Variants in ZNF438 observed in about 807,000 individuals in gnomAD.
ZNF438 encodes zinc finger protein 438.
A neutral mutation model predicts 38.0 loss-of-function variants in ZNF438; 25 were observed. The ratio of observed to expected loss-of-function variants is 0.66; its 90% CI spans 0.48 to 0.92. The LOEUF (loss-of-function observed/expected upper bound fraction) is 0.92. Among genes scored for constraint, ZNF438 ranks in the 40% least tolerant of loss-of-function variants. The probability of loss-of-function intolerance (pLI) is 0.00; values close to 1 mark genes in which losing one functional copy is unlikely to be tolerated. For synonymous variants in ZNF438, 372 were observed against 364.1 expected (o/e 1.02, Z -0.25); for missense variants, 1,007 against 999.6 (o/e 1.01, Z -0.10).
intron 5 of ZNF438, 87 bp from the exon 7 acceptor site, chr10:30,845,660 T>C: frequency 1.4e-6 from 2 of 1,476,272 alleles, no homozygotes; most frequent in South Asian, 2.7e-5. Context: ...TTCAGGGATC[T>C]AAAACATAAC....
At chr10:30,857,644 C>G in intron 4 of ZNF438, 1 of 1,451,150 alleles carries the variant, frequency 6.9e-7, no homozygotes, top group Non-Finnish European at 9.4e-7. Flanking sequence ...CATTTGAAAG[C>G]AAAAGCATAT....
At chr10:30,871,709 A>AT (rs999474307) in intron 4 of ZNF438, among the ~76,000 whole-genome samples, 19 of 152,182 alleles carry the variant, frequency 1.2e-4, no homozygotes, top group African/African-American at 4.3e-4. Flanking sequence ...TATCATAACC[A>AT]TTTTTTATTG....
chr10:30,925,583 C>T (rs1003871171), intron 2 of ZNF438, among the ~76,000 whole-genome samples: 1 of 152,240 alleles, frequency 6.6e-6, no homozygotes, highest in East Asian at 1.9e-4. Context: ...GGAGCTGTCA[C>T]TGGGAAGTGG....
chr10:30,927,044 A>G (rs2045024958), intron 2 of ZNF438, among the ~76,000 whole-genome samples: 2 of 152,250 alleles, frequency 1.3e-5, no homozygotes, highest in African/African-American at 4.8e-5. Context: ...TAGAGTGACC[A>G]TAATACACGT....
At chr10:30,882,966 T>C (rs1012243619) in intron 3 of ZNF438, among the ~76,000 whole-genome samples, 1 of 152,214 alleles carries the variant, frequency 6.6e-6, no homozygotes, top group East Asian at 1.9e-4. Context: ...CAGATGTTGT[T>C]TGCAGTATTA....
intron 1 of ZNF438, among the ~76,000 whole-genome samples, chr10:30,992,212 G>T (rs1320194033): frequency 2.0e-5 from 3 of 152,162 alleles, no homozygotes; most frequent in Non-Finnish European, 4.4e-5. Flanking sequence ...AACAGAAACA[G>T]ACTGAGACAT....
At chr10:30,914,471 G>C (rs932452139) in intron 2 of ZNF438, among the ~76,000 whole-genome samples, 1 of 151,770 alleles carries the variant, frequency 6.6e-6, no homozygotes, top group African/African-American at 2.4e-5. Flanking sequence ...ATGAGTTCGA[G>C]AAAAACTAGG....
At chr10:30,901,573 T>C (rs1009025604) in intron 3 of ZNF438, among the ~76,000 whole-genome samples, 1 of 151,960 alleles carries the variant, frequency 6.6e-6, no homozygotes, top group Non-Finnish European at 1.5e-5. Context: ...TAAGGAAAAA[T>C]AGGACAGAAT....
At chr10:30,846,529 G>T (rs2032149662) in intron 5 of ZNF438, among the ~76,000 whole-genome samples, 1 of 152,236 alleles carries the variant, frequency 6.6e-6, no homozygotes, top group Non-Finnish European at 1.5e-5. Context: ...GGGGCCCTGA[G>T]GCAGAGCTGG....
At chr10:30,990,554 A>C (rs2132506352) in intron 1 of ZNF438, among the ~76,000 whole-genome samples, 1 of 152,328 alleles carries the variant, frequency 6.6e-6, no homozygotes, top group South Asian at 2.1e-4. Context: ...CAAGCCCACC[A>C]GGTGATTCAG....
intron 4 of ZNF438, chr10:30,857,661 A>AT (rs1288646424): frequency 6.7e-7 from 1 of 1,494,232 alleles, no homozygotes; most frequent in African/African-American, 1.4e-5. Context: ...ATATTTTTAT[A>AT]TTTGAATTTG....
chr10:30,983,867 T>G (rs1672557047), intron 1 of ZNF438, among the ~76,000 whole-genome samples: 1 of 152,186 alleles, frequency 6.6e-6, no homozygotes, highest in Non-Finnish European at 1.5e-5. Flanking sequence ...AGTATAGACT[T>G]CCTATACACC....
At chr10:30,934,033 C>T (rs1213246985) in intron 2 of ZNF438, among the ~76,000 whole-genome samples, 1 of 151,896 alleles carries the variant, frequency 6.6e-6, no homozygotes, top group Non-Finnish European at 1.5e-5. Flanking sequence ...GTAGTCCCAG[C>T]TACTCGGGAG....
intron 2 of ZNF438, among the ~76,000 whole-genome samples, chr10:30,914,207 TAAATCAAAA>T (rs899660642): frequency 6.6e-5 from 10 of 152,064 alleles, no homozygotes; most frequent in African/African-American, 2.4e-4. Flanking sequence ...TTAAAAAAGT[TAAATCAAAA>T]AAGTTAAATC....
intron 1 of ZNF438, among the ~76,000 whole-genome samples, chr10:31,017,359 C>T (rs1459365046): frequency 6.6e-6 from 1 of 152,108 alleles, no homozygotes; most frequent in Non-Finnish European, 1.5e-5. Context: ...AGTATATGCT[C>T]CAATAGGGCA....
At chr10:30,942,509 A>C (rs185994761) in intron 1 of ZNF438, among the ~76,000 whole-genome samples, 294 of 152,354 alleles carry the variant, frequency 1.9e-3, no homozygotes, top group African/African-American at 6.3e-3. Flanking sequence ...AGTGAGAAGC[A>C]GAATAACAGC....
chr10:30,981,665 C>T (rs919609486), intron 1 of ZNF438, among the ~76,000 whole-genome samples: 4 of 152,116 alleles, frequency 2.6e-5, no homozygotes, highest in African/African-American at 4.8e-5. Flanking sequence ...ATCATGAGAT[C>T]AGGAGTTCGA....
At chr10:30,845,059 G>A in exon 6 of ZNF438, 1 of 1,614,190 alleles carries the variant, frequency 6.2e-7, no homozygotes, top group Non-Finnish European at 8.5e-7. Flanking sequence ...TTATGCTGGT[G>A]CTTCCAGTGG....
intron 3 of ZNF438, among the ~76,000 whole-genome samples, chr10:30,891,655 T>A (rs1223709723): frequency 6.6e-6 from 1 of 152,116 alleles, no homozygotes; most frequent in Non-Finnish European, 1.5e-5. Flanking sequence ...AGACAACAAG[T>A]CCTAGGAAAC....
Sources: allele counts gnomAD v4.1 joint callset (sites outside exome capture counted in the v4.1 genomes callset), GRCh38; gene constraint gnomAD v4.1.1; transcripts MANE v1.5; gene names NCBI Gene and HGNC (gene_info 2026-07-23, HGNC 2026-07-21).